Variants in ODAD2 observed in about 807,000 individuals in gnomAD.
ODAD2 encodes the protein outer dynein arm docking complex subunit 2.
Under a neutral mutation model 106.8 loss-of-function variants are expected in ODAD2, and 89 were observed. The observed-to-expected ratio is 0.83, with a 90% CI of 0.70 to 0.99. The LOEUF (loss-of-function observed/expected upper bound fraction) is 0.99, where lower values mean the gene tolerates loss of function less well. Ranked by LOEUF, ODAD2 falls within the 50% of genes least tolerant of loss-of-function variation. The pLI is 0.00. For missense variants in ODAD2, 1,168 were observed against 1,238.5 expected (o/e 0.94, Z 0.85); for synonymous variants, 404 against 436.2 (o/e 0.93, Z 0.92).
At position 27,939,920 on chromosome 10, in the gene ODAD2, G is replaced by C. The variant is rs1846266204; in HGVS notation, c.2074C>G (p.His692Asp). 1.2e-6 allele frequency: 2 copies of C among 1,608,680 alleles called. No individual in the cohort carries two copies. The highest frequency in any genetic ancestry group is 1.7e-6 in the Non-Finnish European group (2 of 1,177,356). ...LNSENEQLQE[H>D]CAMAIYQCAE... ...ACCTGGTAAATGGCCATGGCGCAGTGCTCCTGCAGCTGCTCATTCTCACTA... is the reference window on the plus strand; with the variant it reads ...ACCTGGTAAATGGCCATGGCGCAGTCCTCCTGCAGCTGCTCATTCTCACTA... The change falls in exon 14 of 20, where the codon CAC (histidine) becomes GAC (aspartate). Residue 692 changes from histidine (H) to aspartate (D), a missense_variant. This residue lies in a region of ODAD2 where 701 missense variants were observed against 712.3 expected (regional missense o/e 0.98). Transcript: ENST00000305242.
chr10:27,890,968 C>A (rs912601091), intron 17 of ODAD2, among the ~76,000 whole-genome samples: 3 of 152,106 alleles, frequency 2.0e-5, no homozygotes, highest in African/African-American at 7.2e-5. Context: ...GATTATTTGG[C>A]ACCATGTCAT....
intron 16 of ODAD2, among the ~76,000 whole-genome samples, chr10:27,919,408 C>T (rs933843858): frequency 1.3e-5 from 2 of 151,972 alleles, no homozygotes; most frequent in Non-Finnish European, 2.9e-5. Flanking sequence ...AAAAATTACT[C>T]CACAGTACAT....
At chr10:27,916,822 A>G (rs577795968) in intron 16 of ODAD2, among the ~76,000 whole-genome samples, 1 of 152,266 alleles carries the variant, frequency 6.6e-6, no homozygotes, top group African/African-American at 2.4e-5. Context: ...GTTTTGGGGA[A>G]GCCAAAAGTT....
intron 14 of ODAD2, among the ~76,000 whole-genome samples, chr10:27,937,144 T>C (rs1053596538): frequency 6.6e-6 from 1 of 152,068 alleles, no homozygotes; most frequent in African/African-American, 2.4e-5. Flanking sequence ...AGCCTAGGCA[T>C]CTCCTGAGGC....
chr10:27,868,131 T>C lies in ODAD2; in HGVS notation c.2611-5509A>G, dbSNP rs553282720. Reference sequence around the variant, plus strand: ...AATGCTAATCAAAATCACAATGAGGTATCATCTCATGCCAGTGAGAATGAC... The same window carrying C: ...AATGCTAATCAAAATCACAATGAGGCATCATCTCATGCCAGTGAGAATGAC... On this transcript the variant is annotated intron_variant, in intron 17 of 19. Transcript: ENST00000305242. Among the ~76,000 whole-genome samples the C allele has an allele frequency of 9.9e-5, 15 of 152,256 alleles. No individual in the cohort carries two copies. The East Asian group carries it at 2.9e-3, about 29-fold the overall frequency.
intron 19 of ODAD2, among the ~76,000 whole-genome samples, chr10:27,826,074 TA>T (rs1200694017): frequency 6.6e-6 from 1 of 152,222 alleles, no homozygotes; most frequent in Non-Finnish European, 1.5e-5. Flanking sequence ...CGGACCTTAG[TA>T]ATACCAGTGA....
In ODAD2 at chr10:27,819,769, T is replaced by C. The variant is rs534202965; in HGVS notation, c.3022-7144A>G. On this transcript the variant is annotated intron_variant, in intron 19 of 19. Coordinates refer to ENST00000305242, the MANE Select transcript of ODAD2 (RefSeq NM_018076.5). Reference sequence around the variant, plus strand: ...ACCCATACCCTTGACTATGGTTTGATAGTGATTTTTCTAGGAAGGAGTGAT... The same window carrying C: ...ACCCATACCCTTGACTATGGTTTGACAGTGATTTTTCTAGGAAGGAGTGAT... Among the ~76,000 whole-genome samples the C allele has an allele frequency of 1.6e-4, 24 of 150,580 alleles. No individual in the cohort carries two copies. In the South Asian group the frequency reaches 2.9e-3, roughly 19 times the overall value.
intron 17 of ODAD2, among the ~76,000 whole-genome samples, chr10:27,878,570 C>G (rs1397591400): frequency 1.3e-5 from 2 of 152,110 alleles, no homozygotes; most frequent in Admixed American, 6.6e-5. Flanking sequence ...AAACACCACT[C>G]TGGGCCATAT....
In ODAD2 at chr10:27,935,031, G is replaced by C. The variant is rs1424945013; in HGVS notation, c.2474C>G (p.Ala825Gly). Reference sequence around the variant, plus strand: ...TTACATCATACTTTCAGGTTCTACTGCACAAGCACCAACTGCTTTTGTAAC... The same window carrying C: ...TTACATCATACTTTCAGGTTCTACTCCACAAGCACCAACTGCTTTTGTAAC... ...VNVTKAVGAC[A>G]VEPESMMIID... Residue 825 changes from alanine (A) to glycine (G), a missense_variant, in exon 16 of 20, where the codon GCA (alanine) becomes GGA (glycine). By Grantham distance (60) the Ala-to-Gly change is moderately conservative. This residue lies in a region of ODAD2 where 701 missense variants were observed against 712.3 expected (regional missense o/e 0.98). Transcript: ENST00000305242. 1.2e-6 allele frequency: 2 copies of C among 1,613,762 alleles called. No individual in the cohort carries two copies. The highest frequency in any genetic ancestry group is 8.5e-7 in the Non-Finnish European group (1 of 1,179,836).
At chr10:27,919,984 T>C (rs1490005607) in intron 16 of ODAD2, among the ~76,000 whole-genome samples, 4 of 152,124 alleles carry the variant, frequency 2.6e-5, no homozygotes, top group African/African-American at 7.2e-5. Context: ...CTCTATGCTT[T>C]CATTCAGATA....
rs1044954600 is a variant in ODAD2 at position 27,944,490 on chromosome 10, A to G, written c.1534-59T>C. ...TGTAACCCGTGCTATGTTTTTAAAAATTCCGAGTATACCTAAAATCCTTCC... is the reference window on the plus strand; with the variant it reads ...TGTAACCCGTGCTATGTTTTTAAAAGTTCCGAGTATACCTAAAATCCTTCC... On this transcript the variant is annotated intron_variant, in intron 11 of 19. Transcript: ENST00000305242. 7 of 1,454,956 alleles carry G rather than the reference A, an allele frequency of 4.8e-6. No homozygotes were observed. The African/African-American group carries it at 9.8e-5, about 20-fold the overall frequency. 90.1% of individuals were successfully genotyped at this position (1,454,956 alleles called of 1,614,324 possible).
At chr10:27,946,431 C>T (rs1188387820) in intron 10 of ODAD2, among the ~76,000 whole-genome samples, 3 of 151,794 alleles carry the variant, frequency 2.0e-5, no homozygotes, top group African/African-American at 7.3e-5. Context: ...TTTGGGGGTA[C>T]ATGTGATATT....
chr10:27,880,367 T>A (rs1288445267), intron 17 of ODAD2, among the ~76,000 whole-genome samples: 1 of 152,232 alleles, frequency 6.6e-6, no homozygotes, highest in African/African-American at 2.4e-5. Flanking sequence ...AGCATTCTTA[T>A]GTCTAAAAAA....
intron 18 of ODAD2, 82 bp from the exon 19 acceptor site, chr10:27,860,928 A>T: frequency 2.5e-6 from 3 of 1,176,742 alleles, no homozygotes; most frequent in Non-Finnish European, 3.7e-6. Flanking sequence ...ATGTTTATTA[A>T]CCATTAAGAC....
At position 27,885,603 on chromosome 10, in the gene ODAD2, T is replaced by C. The variant is rs868000746; in HGVS notation, c.2610+22060A>G. On this transcript the variant is annotated intron_variant, in intron 17 of 19. Coordinates refer to ENST00000305242, the MANE Select transcript of ODAD2 (RefSeq NM_018076.5). The stretch of plus-strand genomic sequence containing the variant: ...AAATATATAAATATAAATATATATA[T>C]AAAATATATATAAATATAAATATAT... Among the ~76,000 whole-genome samples the C allele has an allele frequency of 6.6e-5, 5 of 75,422 alleles. 1 individual carries two copies. Among genetic ancestry groups the C allele is most frequent in the Middle Eastern group, 6.3e-3 (1 of 160 alleles). 49.5% of individuals were successfully genotyped at this position (75,422 alleles called of 152,430 possible). A position where few individuals can be genotyped will look rare whatever the true frequency, so the allele number is the denominator to read the frequency against.
chr10:27,853,439 GA>G, intron 19 of ODAD2: 1 of 201,532 alleles, frequency 5.0e-6, no homozygotes, highest in South Asian at 8.5e-5. Context: ...CACTTTAAGT[GA>G]AAAGACACAA....
intron 7 of ODAD2, among the ~76,000 whole-genome samples, chr10:27,976,631 T>C (rs567059908): frequency 2.9e-4 from 44 of 152,294 alleles, no homozygotes; most frequent in Middle Eastern, 3.4e-3. Flanking sequence ...ACTATGTTCA[T>C]GGATTAGAAA....
At chr10:27,954,495 GTGAATGAATGAA>G (rs10597575) in intron 10 of ODAD2, among the ~76,000 whole-genome samples, 30 of 151,118 alleles carry the variant, frequency 2.0e-4, no homozygotes, top group East Asian at 3.9e-4. Context: ...ATAAACACGA[GTGAATGAATGAA>G]TGAATGAATG....
intron 14 of ODAD2, among the ~76,000 whole-genome samples, chr10:27,938,161 A>G (rs757700593): frequency 1.3e-5 from 2 of 151,964 alleles, no homozygotes; most frequent in Non-Finnish European, 2.9e-5. Context: ...CTGGTCTCGA[A>G]CTCCTGACCT....
Sources: allele counts gnomAD v4.1 joint callset (sites outside exome capture counted in the v4.1 genomes callset), GRCh38; gene constraint gnomAD v4.1.1; regional missense constraint gnomAD v4.1.1; transcripts MANE v1.5; gene names NCBI Gene and HGNC (gene_info 2026-07-23, HGNC 2026-07-21).